The following TRIM44 variants were observed in gnomAD, a reference collection of about 807,000 sequenced individuals.
The protein encoded by TRIM44 is tripartite motif-containing protein 44.
In TRIM44, 13 loss-of-function variants were observed where a neutral mutation model predicts 37.4. That is an observed-to-expected ratio of 0.35 (90% CI 0.23 to 0.55). TRIM44 has a LOEUF of 0.55. Ranked by LOEUF, TRIM44 falls within the 20% of genes least tolerant of loss-of-function variation. The pLI is 0.89. For synonymous variants in TRIM44, 175 were observed against 157.2 expected (o/e 1.11, Z -0.85); for missense variants, 426 against 437.2 (o/e 0.97, Z 0.23).
In TRIM44 at chr11:35,663,517, G is replaced by A; in HGVS notation, c.406G>A (p.Glu136Lys). ...AGACAGCGAGGAAGAAATGGAGGATGAGCAAGAAAGCGAGGCCGAAGAAGA... is the reference window on the plus strand; with the variant it reads ...AGACAGCGAGGAAGAAATGGAGGATAAGCAAGAAAGCGAGGCCGAAGAAGA... ...EEDSEEEMED[E>K]QESEAEEDNQ... Residue 136 changes from glutamate (E) to lysine (K), a missense_variant, in exon 1 of 5, where the codon GAG (glutamate) becomes AAG (lysine). By Grantham distance (56) the Glu-to-Lys change is moderately conservative. This residue lies in a region of TRIM44 where 331 missense variants were observed against 303.0 expected (regional missense o/e 1.09). Transcript: ENST00000299413. 1.3e-6 allele frequency: 2 copies of A among 1,598,290 alleles called. No homozygotes were observed. The highest frequency in any genetic ancestry group is 1.3e-5 in the African/African-American group (1 of 74,662).
At chr11:35,707,286 A>T (rs530707308) in intron 2 of TRIM44, among the ~76,000 whole-genome samples, 2 of 152,356 alleles carry the variant, frequency 1.3e-5, no homozygotes, top group East Asian at 3.9e-4. Flanking sequence ...ATGGAAGAAC[A>T]TTCCATGCTC....
intron 4 of TRIM44, among the ~76,000 whole-genome samples, chr11:35,800,740 A>C (rs1369924051): frequency 6.6e-6 from 1 of 152,224 alleles, no homozygotes; most frequent in East Asian, 1.9e-4. Flanking sequence ...GGGCACAGGA[A>C]GCAAAGAGAG....
chr11:35,792,302 T>A (rs1001390907), intron 4 of TRIM44, among the ~76,000 whole-genome samples: 1 of 152,216 alleles, frequency 6.6e-6, no homozygotes, highest in African/African-American at 2.4e-5. Flanking sequence ...AATAAATACT[T>A]GTTCACTGAA....
At chr11:35,686,671 C>G (rs1391367350) in intron 2 of TRIM44, among the ~76,000 whole-genome samples, 1 of 152,094 alleles carries the variant, frequency 6.6e-6, no homozygotes, top group African/African-American at 2.4e-5. Context: ...ATTCTCCTGC[C>G]TCAGCCGCCT....
At chr11:35,716,250 CAGAA>C (rs1852038599) in intron 2 of TRIM44, among the ~76,000 whole-genome samples, 1 of 152,130 alleles carries the variant, frequency 6.6e-6, no homozygotes, top group South Asian at 2.1e-4. Context: ...TGAAAAGAGA[CAGAA>C]AGCTGATCAA....
chr11:35,686,577 G>A (rs892618720), intron 2 of TRIM44, among the ~76,000 whole-genome samples: 11 of 151,698 alleles, frequency 7.3e-5, no homozygotes, highest in African/African-American at 2.4e-4. Flanking sequence ...GTTTTTTTGA[G>A]ACGGAATCTC....
At chr11:35,804,302 TTATAG>T (rs1220728418) in intron 4 of TRIM44, among the ~76,000 whole-genome samples, 2 of 152,194 alleles carry the variant, frequency 1.3e-5, no homozygotes, top group Non-Finnish European at 2.9e-5. Context: ...TCTCCAAATA[TTATAG>T]TAAAGAACCT....
At chr11:35,784,714 C>A (rs1466200122) in intron 4 of TRIM44, among the ~76,000 whole-genome samples, 4 of 152,154 alleles carry the variant, frequency 2.6e-5, no homozygotes, top group African/African-American at 7.2e-5. Context: ...AGGGCAAGAA[C>A]CATTCTAAAA....
chr11:35,742,814 T>A (rs1301395354), intron 4 of TRIM44, among the ~76,000 whole-genome samples: 1 of 142,940 alleles, frequency 7.0e-6, no homozygotes, highest in Non-Finnish European at 1.5e-5. Context: ...TAAATATAAT[T>A]ATAATATTAA....
intron 4 of TRIM44, among the ~76,000 whole-genome samples, chr11:35,793,733 C>G (rs1853247075): frequency 6.6e-6 from 1 of 152,250 alleles, no homozygotes; most frequent in East Asian, 1.9e-4. Flanking sequence ...GTCACAAGCC[C>G]CCTCATGTGC....
rs570807572 is a variant in TRIM44, at chr11:35,674,169, A to G, written c.669+10389A>G. Reference sequence around the variant, plus strand: ...GAGTAGAGATGAGAATGGGGTAAGAAATGCAGAAGGCTGGCTCTGGGAGAG... The same window carrying G: ...GAGTAGAGATGAGAATGGGGTAAGAGATGCAGAAGGCTGGCTCTGGGAGAG... On this transcript the variant is annotated intron_variant, in intron 1 of 4. Coordinates refer to ENST00000299413, the MANE Select transcript of TRIM44 (RefSeq NM_017583.6). Among the ~76,000 whole-genome samples, 4 of 152,094 alleles carry G rather than the reference A, an allele frequency of 2.6e-5. No homozygotes were observed. In the East Asian group the frequency reaches 7.8e-4, roughly 29 times the overall value.
intron 2 of TRIM44, among the ~76,000 whole-genome samples, chr11:35,697,730 T>C (rs1438078898): frequency 6.6e-6 from 1 of 151,936 alleles, no homozygotes; most frequent in Non-Finnish European, 1.5e-5. Context: ...TGTGATAGTT[T>C]GTTGAGAATG....
At chr11:35,717,579 C>T (rs893444708) in intron 2 of TRIM44, among the ~76,000 whole-genome samples, 1 of 152,166 alleles carries the variant, frequency 6.6e-6, no homozygotes, top group Non-Finnish European at 1.5e-5. Flanking sequence ...GTTCAGCCAG[C>T]TCTGCGTGCA....
At chr11:35,678,923 T>A (rs928042531) in intron 1 of TRIM44, among the ~76,000 whole-genome samples, 1 of 152,080 alleles carries the variant, frequency 6.6e-6, no homozygotes, top group Non-Finnish European at 1.5e-5. Flanking sequence ...GTATTCCATC[T>A]TCTGATCCTT....
chr11:35,706,444 G>T (rs564059044), intron 2 of TRIM44, among the ~76,000 whole-genome samples: 3 of 152,114 alleles, frequency 2.0e-5, no homozygotes, highest in African/African-American at 7.2e-5. Context: ...CCAAAACCGG[G>T]CAGAGATACA....
At chr11:35,767,472 G>GA (rs1852812846) in intron 4 of TRIM44, among the ~76,000 whole-genome samples, 1 of 152,122 alleles carries the variant, frequency 6.6e-6, no homozygotes, top group African/African-American at 2.4e-5. Flanking sequence ...GAATTAAGGA[G>GA]AGGGGAGGTT....
intron 4 of TRIM44, among the ~76,000 whole-genome samples, chr11:35,793,898 G>T (rs991700438): frequency 6.6e-6 from 1 of 152,176 alleles, no homozygotes; most frequent in African/African-American, 2.4e-5. Context: ...GTTACACAGG[G>T]TTATTATGAA....
chr11:35,695,473 A>G (rs186657921), intron 2 of TRIM44, among the ~76,000 whole-genome samples: 5 of 152,228 alleles, frequency 3.3e-5, no homozygotes, highest in Non-Finnish European at 7.4e-5. Flanking sequence ...TTGGGTTAGC[A>G]GTTTTATAAA....
chr11:35,792,111 A>ACACACACACACACTCT lies in TRIM44; in HGVS notation c.1008-14246_1008-14245insACACACACACACTCTC, dbSNP rs796092540. Reference sequence around the variant, plus strand: ...CACACACACACACACACACACACACACTCTCTCTCATCATTCTCTATTCCA... The same window carrying ACACACACACACACTCT: ...CACACACACACACACACACACACACACACACACACACACTCTCTCTCTCTCATCATTCTCTATTCCA... On this transcript the variant is annotated intron_variant, in intron 4 of 4. Coordinates refer to ENST00000299413, the MANE Select transcript of TRIM44 (RefSeq NM_017583.6). Among the ~76,000 whole-genome samples, 443 of 114,294 alleles carry ACACACACACACACTCT rather than the reference A, an allele frequency of 3.9e-3. 5 individuals are homozygous for ACACACACACACACTCT. The highest frequency in any genetic ancestry group is 0.012 in the Middle Eastern group (3 of 258). 75.0% of individuals were successfully genotyped at this position (114,294 alleles called of 152,430 possible).
Sources: gnomAD v4.1 joint callset for allele counts (sites outside exome capture counted in the v4.1 genomes callset) on GRCh38, gnomAD v4.1.1 for gene constraint, gnomAD v4.1.1 regional missense constraint, MANE v1.5 for transcripts, NCBI Gene and HGNC (gene_info 2026-07-23, HGNC 2026-07-21) for gene names.